The following CTPS2 variants were observed in gnomAD, a reference collection of about 807,000 sequenced individuals.
The protein encoded by CTPS2 is CTP synthase 2, also known as CTP synthase II.
CTPS2 carries 19 observed loss-of-function variants against 46.8 expected under a neutral mutation model. The ratio of observed to expected loss-of-function variants is 0.41; its 90% CI spans 0.28 to 0.60. The LOEUF is 0.60. CTPS2 is among the 20% of genes least tolerant of loss of function. The pLI is 0.35. For synonymous variants in CTPS2, 151 were observed against 165.2 expected (o/e 0.91, Z 0.66); for missense variants, 286 against 447.6 (o/e 0.64, Z 3.26).
At chrX:16,650,790 C>T (rs928045657) in intron 13 of CTPS2, among the ~76,000 whole-genome samples, 2 of 110,497 alleles carry the variant, frequency 1.8e-5, no homozygotes, top group African/African-American at 6.6e-5. Flanking sequence ...GGATTACAGG[C>T]ATGAGCTACC....
rs1928702328 is a variant in CTPS2, at chrX:16,588,034, C to T, written c.*1783G>A. On this transcript the variant is annotated 3_prime_UTR_variant, in exon 19 of 19. Transcript: ENST00000359276. Reference sequence around the variant, plus strand: ...TTCATACAATGGAATTTTATTCAGCCATAGAAAGGAATGAAATTCTGACAC... The same window carrying T: ...TTCATACAATGGAATTTTATTCAGCTATAGAAAGGAATGAAATTCTGACAC... 1 of 111,696 alleles carries T rather than the reference C, an allele frequency of 9.0e-6. No homozygotes were observed. Among genetic ancestry groups the T allele is most frequent in the Admixed American group, 9.5e-5 (1 of 10,539 alleles). The allele number at this position is 111,696 out of a possible 1,213,427, so 9.2% of individuals were successfully genotyped here. A position where few individuals can be genotyped will look rare whatever the true frequency, so the allele number is the denominator to read the frequency against.
intron 9 of CTPS2, among the ~76,000 whole-genome samples, chrX:16,680,619 T>C (rs1019080804): frequency 9.1e-6 from 1 of 110,445 alleles, no homozygotes; most frequent in South Asian, 3.8e-4. Context: ...AACTTTAAGA[T>C]ACAAATTTCT....
At chrX:16,676,614 G>A (rs1197779722) in intron 10 of CTPS2, among the ~76,000 whole-genome samples, 1 of 112,226 alleles carries the variant, frequency 8.9e-6, no homozygotes, top group Non-Finnish European at 1.9e-5. Flanking sequence ...GGAAACTGGA[G>A]AGAGAAAAAA....
At chrX:16,708,480 C>G (rs1012944300) in intron 1 of CTPS2, among the ~76,000 whole-genome samples, 1 of 111,120 alleles carries the variant, frequency 9.0e-6, no homozygotes, top group Non-Finnish European at 1.9e-5. Flanking sequence ...CAAGATCACA[C>G]CATTGCACTC....
At chrX:16,592,872 A>G (rs1928985563) in intron 17 of CTPS2, among the ~76,000 whole-genome samples, 1 of 111,640 alleles carries the variant, frequency 9.0e-6, no homozygotes, top group African/African-American at 3.3e-5. Flanking sequence ...AAAGTATTCA[A>G]AATAGGACCA....
At chrX:16,689,406 C>G (rs376399196) in intron 8 of CTPS2, 44 bp downstream of exon 8, 14 of 1,182,715 alleles carry the variant, frequency 1.2e-5, no homozygotes, top group Non-Finnish European at 1.6e-5. Context: ...TACCCCCAAA[C>G]TCAAAAATTA....
At chrX:16,662,646 T>TAACTCTGCA (rs1932992761) in intron 13 of CTPS2, among the ~76,000 whole-genome samples, 2 of 110,556 alleles carry the variant, frequency 1.8e-5, no homozygotes, top group East Asian at 5.7e-4. Context: ...CAAGCTTAAG[T>TAACTCTGCA]AACTCTGCAG....
chrX:16,596,638 G>A (rs1263800080), intron 17 of CTPS2, among the ~76,000 whole-genome samples: 2 of 110,558 alleles, frequency 1.8e-5, no homozygotes, highest in Non-Finnish European at 3.8e-5. Flanking sequence ...ACTGTGAATA[G>A]TGCCGCAATA....
intron 9 of CTPS2, among the ~76,000 whole-genome samples, chrX:16,679,510 T>C (rs1922565235): frequency 9.0e-6 from 1 of 110,820 alleles, no homozygotes; most frequent in South Asian, 3.9e-4. Flanking sequence ...ACCTGATTGG[T>C]TGGAGGAAGG....
intron 6 of CTPS2, among the ~76,000 whole-genome samples, chrX:16,692,538 AG>A (rs775222692): frequency 9.0e-6 from 1 of 111,561 alleles, no homozygotes; most frequent in Non-Finnish European, 1.9e-5. Flanking sequence ...GAAAATCCCA[AG>A]GTTTCACCTT....
intron 15 of CTPS2, among the ~76,000 whole-genome samples, chrX:16,619,451 C>G (rs1301502534): frequency 5.4e-5 from 6 of 111,490 alleles, no homozygotes; most frequent in South Asian, 7.7e-4. Context: ...TGCCTCTTGT[C>G]CCAGATGCTG....
chrX:16,626,147 C>T (rs1931132819), intron 14 of CTPS2, among the ~76,000 whole-genome samples: 1 of 111,012 alleles, frequency 9.0e-6, no homozygotes, highest in East Asian at 2.8e-4. Context: ...TTTGGGAGAC[C>T]AAGGGGGGCA....
intron 17 of CTPS2, among the ~76,000 whole-genome samples, chrX:16,595,632 A>G (rs1021496664): frequency 5.4e-5 from 6 of 111,946 alleles, no homozygotes; most frequent in African/African-American, 1.9e-4. Context: ...GTGGCTATCT[A>G]AATTTAAATC....
chrX:16,652,432 C>T (rs1285042482), intron 13 of CTPS2, among the ~76,000 whole-genome samples: 1 of 111,934 alleles, frequency 8.9e-6, no homozygotes, highest in Non-Finnish European at 1.9e-5. Context: ...TCAATGACCC[C>T]AGAATCTGAT....
At chrX:16,659,653 G>T (rs1282743713) in intron 13 of CTPS2, among the ~76,000 whole-genome samples, 1 of 110,856 alleles carries the variant, frequency 9.0e-6, no homozygotes, top group Non-Finnish European at 1.9e-5. Flanking sequence ...TATATTCAAG[G>T]TGTACAACAA....
intron 1 of CTPS2, among the ~76,000 whole-genome samples, chrX:16,703,466 G>A (rs767187693): frequency 9.1e-6 from 1 of 109,962 alleles, no homozygotes; most frequent in Non-Finnish European, 1.9e-5. Flanking sequence ...GAGTGGCTGG[G>A]ACTACAGGCA....
rs1928853616 is a variant in CTPS2, at chrX:16,590,739, G to A, written c.*41+13C>T. The A allele has an allele frequency of 3.3e-6, 3 of 901,618 alleles. No homozygotes were observed. The South Asian group carries it at 6.2e-5, about 19-fold the overall frequency. 74.3% of individuals were successfully genotyped at this position (901,618 alleles called of 1,213,427 possible). On this transcript the variant is annotated intron_variant, in intron 18 of 18. Coordinates refer to ENST00000359276, the MANE Select transcript of CTPS2 (RefSeq NM_175859.3). The stretch of plus-strand genomic sequence containing the variant: ...ATGAGAGAAATGAACAATCCTCGAA[G>A]ATTCCATCTTACCCTCACAGGCAGT...
intron 17 of CTPS2, among the ~76,000 whole-genome samples, chrX:16,600,274 G>A: frequency 8.9e-6 from 1 of 111,948 alleles, no homozygotes; most frequent in Admixed American, 9.5e-5. Flanking sequence ...AACAGAAAGA[G>A]GTGGTTGGAA....
At chrX:16,633,323 G>T (rs959725636) in intron 14 of CTPS2, among the ~76,000 whole-genome samples, 2 of 111,005 alleles carry the variant, frequency 1.8e-5, no homozygotes, top group Non-Finnish European at 1.9e-5. Context: ...GTTTGGACCA[G>T]AATTCAACAG....
Sources: gnomAD v4.1 joint callset for allele counts (sites outside exome capture counted in the v4.1 genomes callset) on GRCh38, gnomAD v4.1.1 for gene constraint, MANE v1.5 for transcripts, NCBI Gene and HGNC (gene_info 2026-07-23, HGNC 2026-07-21) for gene names.